The following CLMN variants were observed in gnomAD, a reference collection of about 807,000 sequenced individuals.
CLMN encodes the protein calmin (calponin-like, transmembrane).
Under a neutral mutation model 92.7 loss-of-function variants are expected in CLMN, and 57 were observed. The observed-to-expected ratio is 0.61, with a 90% CI of 0.50 to 0.77. The LOEUF (loss-of-function observed/expected upper bound fraction) is 0.77. CLMN is among the 30% of genes least tolerant of loss of function. The probability of loss-of-function intolerance (pLI) is 0.00; values close to 1 mark genes in which losing one functional copy is unlikely to be tolerated. For missense variants in CLMN, 1,158 were observed against 1,237.5 expected (o/e 0.94, Z 0.96); for synonymous variants, 466 against 470.6 (o/e 0.99, Z 0.13).
rs779961550 is a variant in CLMN, at chr14:95,194,561, C to A, written c.2744G>T (p.Arg915Leu). Residue 915 changes from arginine to leucine, a missense_variant, in exon 11 of 13, where the codon CGA (arginine) becomes CTA (leucine). Arg to Leu is a moderately radical substitution (Grantham distance 102). Coordinates refer to ENST00000298912, the MANE Select transcript of CLMN (RefSeq NM_024734.4). The surrounding 1 kb of genome is among the most constrained non-coding windows in gnomAD (Gnocchi z 4.0). ...SHSDSSIYLR[R>L]HTHRSSESDH... ...CGATTCCGAAGACCTATGAGTATGT[C>A]GTCGAAGGTAAATGCTGGAGTCACT... 1 of 1,614,000 alleles carries A rather than the reference C, an allele frequency of 6.2e-7. No individual in the cohort carries two copies. Among genetic ancestry groups the A allele is most frequent in the Admixed American group, 1.7e-5 (1 of 60,008 alleles).
At chr14:95,215,837 G>A (rs1411866214) in intron 4 of CLMN, 104 bp from the exon 5 acceptor site, 10 of 709,612 alleles carry the variant, frequency 1.4e-5, no homozygotes, top group Non-Finnish European at 2.2e-5. Context: ...GTGTGTGTGT[G>A]TGTGTGTGTG....
chr14:95,306,533 CAAAAAAA>C (rs372739963), intron 1 of CLMN, among the ~76,000 whole-genome samples: 1 of 144,684 alleles, frequency 6.9e-6, no homozygotes, highest in African/African-American at 2.5e-5. Flanking sequence ...CCATCTCAAA[CAAAAAAA>C]AAAGAAGAGA....
chr14:95,230,108 C>T lies in CLMN; in HGVS notation c.108G>A (p.Arg36=), dbSNP rs1430714063. The T allele has an allele frequency of 1.2e-6, 2 of 1,614,216 alleles. No homozygotes were observed. Among genetic ancestry groups the T allele is most frequent in the Non-Finnish European group, 1.7e-6 (2 of 1,180,038 alleles). The change falls in exon 2 of 13, where the codon AGG becomes AGA. Residue 36 remains arginine (R), a synonymous_variant. Transcript: ENST00000298912. The part of the protein sequence containing the change: ...LQVERENVQK[R]TFTRWINLHL... ...GTAGATTTATCCATCGTGTAAAGGT[C>T]CTCTTCTGCACATTTTCCCTCTCAA...
Position 95,261,315 on chromosome 14 carries a change from C to T in CLMN, c.83-31182G>A, listed in dbSNP as rs373442634. ...TCACCTCCGCTGGGAACGTGCGCGTCTGGCTGCTCAGACTTTATGCCGCTT... is the reference window on the plus strand; with the variant it reads ...TCACCTCCGCTGGGAACGTGCGCGTTTGGCTGCTCAGACTTTATGCCGCTT... On this transcript the variant is annotated intron_variant, in intron 1 of 12. Transcript: ENST00000298912. Among the ~76,000 whole-genome samples, 21 of 152,332 alleles carry T rather than the reference C, an allele frequency of 1.4e-4. No individual in the cohort carries two copies. The South Asian group carries it at 4.3e-3, about 32-fold the overall frequency.
chr14:95,211,515 G>A (rs1897196289), intron 6 of CLMN, among the ~76,000 whole-genome samples: 2 of 152,096 alleles, frequency 1.3e-5, no homozygotes, highest in Non-Finnish European at 2.9e-5. Flanking sequence ...CTATTTTGTA[G>A]AATGGAGGCT....
intron 1 of CLMN, among the ~76,000 whole-genome samples, chr14:95,278,339 A>G (rs1900012072): frequency 6.6e-6 from 1 of 152,320 alleles, no homozygotes; most frequent in African/African-American, 2.4e-5. Flanking sequence ...AAAGACCTTT[A>G]AGTTTTTTCT....
intron 1 of CLMN, among the ~76,000 whole-genome samples, chr14:95,277,910 A>G (rs1899995829): frequency 6.6e-6 from 1 of 152,254 alleles, no homozygotes; most frequent in East Asian, 1.9e-4. Flanking sequence ...TACAGGCGTG[A>G]GCCACTGTGC....
At position 95,193,929 on chromosome 14, in the gene CLMN, A is replaced by C; in HGVS notation, c.2770-10T>G. The stretch of plus-strand genomic sequence containing the variant: ...CATAGCTAAAATGATCCTACAGTGA[A>C]ATTTATAAACAAAAGCCCCCGCAAC... On this transcript the variant is annotated splice_polypyrimidine_tract_variant and intron_variant, in intron 11 of 12. Coordinates refer to ENST00000298912, the MANE Select transcript of CLMN (RefSeq NM_024734.4). 1 of 1,612,446 alleles carries C rather than the reference A, an allele frequency of 6.2e-7. No homozygotes were observed. Among genetic ancestry groups the C allele is most frequent in the South Asian group, 1.1e-5 (1 of 90,266 alleles).
intron 1 of CLMN, among the ~76,000 whole-genome samples, chr14:95,284,472 G>A (rs1489955198): frequency 6.6e-6 from 1 of 152,142 alleles, no homozygotes; most frequent in Non-Finnish European, 1.5e-5. Flanking sequence ...CCATGTGCCT[G>A]GAAAAAACAC....
intron 1 of CLMN, among the ~76,000 whole-genome samples, chr14:95,242,261 T>C (rs377630550): frequency 0.13 from 17,434 of 132,030 alleles, 2,161 homozygotes; most frequent in African/African-American, 0.34. Context: ...TTTTTTTTTT[T>C]TTTTTTTTTT....
At chr14:95,241,173 T>C (rs1228163885) in intron 1 of CLMN, among the ~76,000 whole-genome samples, 1 of 152,004 alleles carries the variant, frequency 6.6e-6, no homozygotes, top group East Asian at 1.9e-4. Context: ...ACACTCACCC[T>C]GTAAACATCC....
chr14:95,291,423 C>A (rs1041826780), intron 1 of CLMN, among the ~76,000 whole-genome samples: 1 of 152,228 alleles, frequency 6.6e-6, no homozygotes, highest in African/African-American at 2.4e-5. Context: ...GCCAAAAAAA[C>A]CCAGACACAC....
At chr14:95,204,547 G>A (rs1237135161) in intron 8 of CLMN, 84 bp from the exon 9 acceptor site, 1 of 1,260,546 alleles carries the variant, frequency 7.9e-7, no homozygotes, top group Non-Finnish European at 1.1e-6. Flanking sequence ...TGAGTAAGAA[G>A]AATATTTAAG....
intron 1 of CLMN, among the ~76,000 whole-genome samples, chr14:95,269,646 C>A (rs1383550623): frequency 6.6e-6 from 1 of 152,206 alleles, no homozygotes; most frequent in Non-Finnish European, 1.5e-5. Context: ...TGAACCCCAC[C>A]AGGCTCCTTC....
chr14:95,243,119 GC>G (rs1258478677), intron 1 of CLMN, among the ~76,000 whole-genome samples: 1 of 152,194 alleles, frequency 6.6e-6, no homozygotes, highest in Non-Finnish European at 1.5e-5. Context: ...CAAGTGGTGG[GC>G]CTACTTTGCC....
chr14:95,232,200 C>T (rs918831088), intron 1 of CLMN, among the ~76,000 whole-genome samples: 19 of 152,358 alleles, frequency 1.2e-4, no homozygotes, highest in South Asian at 6.2e-4. Flanking sequence ...GGTGAGGGTG[C>T]GTGGTGGCCT....
chr14:95,220,097 G>T (rs1045868167), intron 4 of CLMN, among the ~76,000 whole-genome samples: 8 of 146,912 alleles, frequency 5.4e-5, no homozygotes, highest in African/African-American at 2.0e-4. Context: ...TTAGCATGTT[G>T]TCAAGGTTCA....
chr14:95,298,026 C>T (rs1331694610), intron 1 of CLMN, among the ~76,000 whole-genome samples: 1 of 152,172 alleles, frequency 6.6e-6, no homozygotes, highest in African/African-American at 2.4e-5. Flanking sequence ...TGCATTTCCC[C>T]CAGCAGCACA....
rs574364546 is a variant in CLMN at position 95,198,908 on chromosome 14, A to T, written c.2512-2214T>A. ...AATTCATCATTTTATTTTATTTATT[A>T]TTTATTTATTTATTTATTTTGAGAC... On this transcript the variant is annotated intron_variant, in intron 9 of 12. Coordinates refer to ENST00000298912, the MANE Select transcript of CLMN (RefSeq NM_024734.4). The T allele has an allele frequency of 2.6e-5, 4 of 152,190 alleles. No homozygotes were observed. The East Asian group carries it at 7.7e-4, about 29-fold the overall frequency. 9.4% of individuals were successfully genotyped at this position (152,190 alleles called of 1,614,324 possible).
Sources: gnomAD v4.1 joint callset for allele counts (sites outside exome capture counted in the v4.1 genomes callset) on GRCh38, gnomAD v4.1.1 for gene constraint, Gnocchi (gnomAD v3.1) non-coding constraint, MANE v1.5 for transcripts, NCBI Gene and HGNC (gene_info 2026-07-23, HGNC 2026-07-21) for gene names.